The following AGBL1 variants were observed in gnomAD, a reference collection of about 807,000 sequenced individuals.
AGBL1 encodes cytosolic carboxypeptidase 4.
Under a neutral mutation model 118.9 loss-of-function variants are expected in AGBL1, and 130 were observed. The observed-to-expected ratio is 1.09, with a 90% CI of 0.95 to 1.26. AGBL1 has a LOEUF of 1.26. AGBL1 is among the 50% of genes most tolerant of loss of function. The probability of loss-of-function intolerance (pLI) is 0.00; values close to 1 mark genes in which losing one functional copy is unlikely to be tolerated. For missense variants in AGBL1, 1,584 were observed against 1,298.1 expected, an observed-to-expected ratio of 1.22 and a Z score of -3.38; for synonymous variants, 555 against 478.9, an observed-to-expected ratio of 1.16 and a Z score of -2.08.
intron 18 of AGBL1, among the ~76,000 whole-genome samples, chr15:86,465,058 G>C (rs2082385755): frequency 6.6e-6 from 1 of 152,044 alleles, no homozygotes; most frequent in Non-Finnish European, 1.5e-5. Context: ...TGTAGGTTTT[G>C]TTGTTGTGGG....
chr15:86,132,080 T>A (rs1381330882), intron 1 of AGBL1, among the ~76,000 whole-genome samples: 1 of 152,128 alleles, frequency 6.6e-6, no homozygotes. Context: ...GGAAGACCAT[T>A]ACCCACTACT....
intron 17 of AGBL1, among the ~76,000 whole-genome samples, chr15:86,380,290 T>TC (rs1679976443): frequency 7.8e-6 from 1 of 128,930 alleles, no homozygotes; most frequent in Admixed American, 7.3e-5. Flanking sequence ...TTTTTTTTTT[T>TC]CTTTTTCTTT....
intron 18 of AGBL1, among the ~76,000 whole-genome samples, chr15:86,412,142 T>A (rs1835628): frequency 0.42 from 63,493 of 151,998 alleles, 14,098 homozygotes; most frequent in East Asian, 0.68. Context: ...TTACTTGGCA[T>A]TTTTCCCTCT....
intron 17 of AGBL1, among the ~76,000 whole-genome samples, chr15:86,342,220 T>G (rs1418468309): frequency 6.6e-6 from 1 of 152,204 alleles, no homozygotes; most frequent in Non-Finnish European, 1.5e-5. Context: ...TTTTACAGGA[T>G]GAACATTTGG....
At position 86,565,932 on chromosome 15, in the gene AGBL1, G is replaced by T. The variant is rs867704195; in HGVS notation, c.2994+11395G>T. Among the ~76,000 whole-genome samples, 17 of 152,358 alleles carry T rather than the reference G, an allele frequency of 1.1e-4. 1 individual carries two copies. In the Middle Eastern group the frequency reaches 0.02, roughly 183 times the overall value. On this transcript the variant is annotated intron_variant, in intron 21 of 22. Coordinates refer to ENST00000614907, the MANE Select transcript of AGBL1 (RefSeq NM_001386094.1). Reference sequence around the variant, plus strand: ...CATGGGCGTGGGACCCTCTGAGCCAGGCGCGGGATATAATCTCCTAGCGTG... The same window carrying T: ...CATGGGCGTGGGACCCTCTGAGCCATGCGCGGGATATAATCTCCTAGCGTG...
chr15:86,716,106 C>A (rs537563419), intron 22 of AGBL1, among the ~76,000 whole-genome samples: 13 of 151,678 alleles, frequency 8.6e-5, no homozygotes, highest in Non-Finnish European at 1.9e-4. Context: ...TTCGCTATTG[C>A]ATTTTAGTTT....
chr15:86,766,181 A>T (rs957558105), intron 22 of AGBL1, among the ~76,000 whole-genome samples: 2 of 151,972 alleles, frequency 1.3e-5, no homozygotes, highest in African/African-American at 4.8e-5. Context: ...AGGGTCACAC[A>T]GCCAGCAAAT....
intron 22 of AGBL1, among the ~76,000 whole-genome samples, chr15:86,817,519 GCATACA>G (rs2078878591): frequency 2.6e-5 from 2 of 76,822 alleles, no homozygotes; most frequent in African/African-American, 1.1e-4. Context: ...AAAGAGACAG[GCATACA>G]CACACACACA....
intron 7 of AGBL1, among the ~76,000 whole-genome samples, chr15:86,256,631 GA>G (rs375605312): frequency 5.4e-4 from 83 of 152,362 alleles, no homozygotes; most frequent in African/African-American, 1.9e-3. Flanking sequence ...GCAAGAGACA[GA>G]AAAGTGCAGA....
chr15:86,419,712 G>A (rs931467660), intron 18 of AGBL1, among the ~76,000 whole-genome samples: 1 of 152,206 alleles, frequency 6.6e-6, no homozygotes, highest in African/African-American at 2.4e-5. Flanking sequence ...AAGATTCACT[G>A]GCTTGAAATT....
intron 17 of AGBL1, among the ~76,000 whole-genome samples, chr15:86,313,285 C>G (rs2079947969): frequency 6.6e-6 from 1 of 152,056 alleles, no homozygotes; most frequent in South Asian, 2.1e-4. Context: ...ATAATGTAGT[C>G]TTGTTTATTC....
At chr15:86,627,948 A>G (rs931454963) in intron 21 of AGBL1, among the ~76,000 whole-genome samples, 1 of 152,224 alleles carries the variant, frequency 6.6e-6, no homozygotes, top group Admixed American at 6.5e-5. Flanking sequence ...CGCTCAATGA[A>G]TATTTCCTGA....
chr15:86,216,101 A>G (rs1413462124), intron 5 of AGBL1, among the ~76,000 whole-genome samples: 1 of 152,214 alleles, frequency 6.6e-6, no homozygotes, highest in Admixed American at 6.5e-5. Context: ...TTAATCTGTT[A>G]TCATGGCCAC....
chr15:86,924,247 G>A (rs1041904768), intron 23 of AGBL1, among the ~76,000 whole-genome samples: 3 of 152,206 alleles, frequency 2.0e-5, no homozygotes, highest in Admixed American at 6.5e-5. Flanking sequence ...CACAAGTTCT[G>A]CCTGAAAGGA....
intron 16 of AGBL1, among the ~76,000 whole-genome samples, chr15:86,286,971 T>G (rs2079464865): frequency 6.6e-6 from 1 of 152,074 alleles, no homozygotes; most frequent in African/African-American, 2.4e-5. Context: ...TAATTTACAT[T>G]CCCACCAATG....
chr15:86,826,833 A>T (rs2079018012), intron 22 of AGBL1, among the ~76,000 whole-genome samples: 1 of 152,110 alleles, frequency 6.6e-6, no homozygotes, highest in South Asian at 2.1e-4. Flanking sequence ...ACAAATGGTG[A>T]TGATGAGATT....
At chr15:86,641,124 G>A (rs976545119) in intron 21 of AGBL1, among the ~76,000 whole-genome samples, 1 of 151,764 alleles carries the variant, frequency 6.6e-6, no homozygotes, top group Non-Finnish European at 1.5e-5. Context: ...TTAGGCTATC[G>A]TACTACAATT....
chr15:86,973,382 T>A (rs1193129505), intron 23 of AGBL1, among the ~76,000 whole-genome samples: 1 of 152,058 alleles, frequency 6.6e-6, no homozygotes, highest in Non-Finnish European at 1.5e-5. Flanking sequence ...ATCTATTTTA[T>A]GTAGAATTAC....
At chr15:86,930,025 C>A (rs113367158) in intron 23 of AGBL1, among the ~76,000 whole-genome samples, 11 of 152,294 alleles carry the variant, frequency 7.2e-5, no homozygotes, top group African/African-American at 2.6e-4. Context: ...TGCATTCCAA[C>A]AATCCACGCT....
Sources: allele counts gnomAD v4.1 joint callset (sites outside exome capture counted in the v4.1 genomes callset), GRCh38; gene constraint gnomAD v4.1.1; transcripts MANE v1.5; gene names NCBI Gene and HGNC (gene_info 2026-07-23, HGNC 2026-07-21).